CHRM3: variants seen among roughly 807,000 people sequenced by gnomAD.
CHRM3 encodes the protein cholinergic receptor muscarinic 3, also known as muscarinic acetylcholine receptor M3.
A neutral mutation model predicts 41.8 loss-of-function variants in CHRM3; 11 were observed. The observed-to-expected ratio is 0.26, with a 90% CI of 0.17 to 0.44. The LOEUF is 0.44. Ranked by LOEUF, CHRM3 falls within the 20% of genes least tolerant of loss-of-function variation. The pLI, the probability that CHRM3 is intolerant of heterozygous loss-of-function variation, is 1.00. For missense variants in CHRM3, 571 were observed against 745.4 expected, an observed-to-expected ratio of 0.77 and a Z score of 2.72; for synonymous variants, 297 against 301.4, an observed-to-expected ratio of 0.99 and a Z score of 0.15.
intron 6 of CHRM3, among the ~76,000 whole-genome samples, chr1:239,861,763 C>T (rs1354875246): frequency 6.6e-6 from 1 of 152,162 alleles, no homozygotes; most frequent in African/African-American, 2.4e-5. Context: ...AGATCAGTAT[C>T]TTCTAATCCA....
At chr1:239,390,431 T>A (rs1658925427) in intron 1 of CHRM3, among the ~76,000 whole-genome samples, 1 of 152,164 alleles carries the variant, frequency 6.6e-6, no homozygotes, top group Non-Finnish European at 1.5e-5. Flanking sequence ...TCAGTTAAAT[T>A]AGAAGTTAGT....
chr1:239,677,914 A>G (rs570897777), intron 4 of CHRM3, among the ~76,000 whole-genome samples: 1 of 152,230 alleles, frequency 6.6e-6, no homozygotes, highest in African/African-American at 2.4e-5. Flanking sequence ...GACAGAAACC[A>G]TAAGCTGAGG....
intron 6 of CHRM3, among the ~76,000 whole-genome samples, chr1:239,829,589 G>A (rs951775373): frequency 6.6e-6 from 1 of 152,060 alleles, no homozygotes; most frequent in African/African-American, 2.4e-5. Context: ...AATCTTTTGT[G>A]TTTCATCTTA....
intron 2 of CHRM3, among the ~76,000 whole-genome samples, chr1:239,525,292 T>A (rs935182129): frequency 1.3e-5 from 2 of 152,134 alleles, no homozygotes. Flanking sequence ...GGGCCAGTGA[T>A]CCCACCACTG....
chr1:239,687,390 C>T (rs1236328187), intron 5 of CHRM3, among the ~76,000 whole-genome samples: 1 of 152,020 alleles, frequency 6.6e-6, no homozygotes, highest in African/African-American at 2.4e-5. Flanking sequence ...GCTAATCCGT[C>T]GTTATTTATC....
intron 3 of CHRM3, among the ~76,000 whole-genome samples, chr1:239,586,183 C>T (rs1209458659): frequency 1.3e-5 from 2 of 152,126 alleles, no homozygotes; most frequent in African/African-American, 4.8e-5. Flanking sequence ...TTTTATAAAA[C>T]AATATCTGAG....
At chr1:239,755,953 G>A (rs1243454585) in intron 5 of CHRM3, among the ~76,000 whole-genome samples, 2 of 152,048 alleles carry the variant, frequency 1.3e-5, no homozygotes, top group Admixed American at 6.6e-5. Context: ...TTAGAATATC[G>A]TATTCCCTAA....
intron 4 of CHRM3, among the ~76,000 whole-genome samples, chr1:239,676,361 G>GTGT (rs3063601): frequency 0.33 from 49,493 of 151,824 alleles, 8,470 homozygotes; most frequent in Middle Eastern, 0.5. Context: ...GTGTATTACA[G>GTGT]AGAAGTCTAT....
At chr1:239,496,477 T>C (rs910722398) in intron 2 of CHRM3, among the ~76,000 whole-genome samples, 2 of 151,476 alleles carry the variant, frequency 1.3e-5, no homozygotes, top group African/African-American at 4.8e-5. Context: ...TACCTATTTA[T>C]ACAGGAAATA....
chr1:239,770,643 C>T (rs1358375245), intron 5 of CHRM3, among the ~76,000 whole-genome samples: 1 of 152,102 alleles, frequency 6.6e-6, no homozygotes, highest in East Asian at 1.9e-4. Context: ...AAAGGTTTTC[C>T]ATGCCCAAGA....
chr1:239,537,911 C>T (rs1422504979), intron 2 of CHRM3, among the ~76,000 whole-genome samples: 1 of 152,136 alleles, frequency 6.6e-6, no homozygotes, highest in East Asian at 1.9e-4. Context: ...TCTATATGAG[C>T]CTCAAGGTCT....
chr1:239,691,316 G>A (rs1278223050), intron 5 of CHRM3, among the ~76,000 whole-genome samples: 1 of 152,110 alleles, frequency 6.6e-6, no homozygotes, highest in African/African-American at 2.4e-5. Flanking sequence ...GTTGGGTTGT[G>A]AGAGTAATTT....
At chr1:239,649,174 A>G (rs983530557) in intron 4 of CHRM3, among the ~76,000 whole-genome samples, 8 of 152,242 alleles carry the variant, frequency 5.3e-5, no homozygotes, top group African/African-American at 1.9e-4. Flanking sequence ...GTAGTGTGAG[A>G]AGATAGGGCC....
chr1:239,836,542 C>A (rs559826012), intron 6 of CHRM3, among the ~76,000 whole-genome samples: 1 of 152,106 alleles, frequency 6.6e-6, no homozygotes, highest in African/African-American at 2.4e-5. Context: ...GCTAGAAATG[C>A]GGAAGCCAAG....
intron 1 of CHRM3, among the ~76,000 whole-genome samples, chr1:239,424,048 C>CT (rs367914954): frequency 9.5e-4 from 125 of 132,164 alleles, no homozygotes; most frequent in African/African-American, 3.5e-3. Context: ...GAGCGAGACT[C>CT]TGTCTCAAAA....
At chr1:239,436,757 A>G (rs1360654018) in intron 1 of CHRM3, among the ~76,000 whole-genome samples, 2 of 152,070 alleles carry the variant, frequency 1.3e-5, no homozygotes, top group African/African-American at 4.8e-5. Context: ...CTACTTTTCT[A>G]GGGCAAAGAT....
intron 1 of CHRM3, among the ~76,000 whole-genome samples, chr1:239,395,883 T>C (rs1212314945): frequency 3.3e-5 from 5 of 152,220 alleles, no homozygotes; most frequent in African/African-American, 9.6e-5. Context: ...GAACACCTTC[T>C]TTGACATCAC....
At chr1:239,742,931 A>G (rs905967033) in intron 5 of CHRM3, among the ~76,000 whole-genome samples, 1 of 152,170 alleles carries the variant, frequency 6.6e-6, no homozygotes, top group African/African-American at 2.4e-5. Flanking sequence ...TCTAATCTTC[A>G]TCTACTGAAG....
At chr1:239,783,968 T>C (rs1224370381) in intron 5 of CHRM3, among the ~76,000 whole-genome samples, 5 of 152,216 alleles carry the variant, frequency 3.3e-5, no homozygotes, top group Non-Finnish European at 7.3e-5. Flanking sequence ...GTATTTGGTA[T>C]TCTGTTCCTG....
Sources: gnomAD v4.1 joint callset for allele counts (sites outside exome capture counted in the v4.1 genomes callset) on GRCh38, gnomAD v4.1.1 for gene constraint, MANE v1.5 for transcripts, NCBI Gene and HGNC (gene_info 2026-07-23, HGNC 2026-07-21) for gene names.